Variants in PXDNL observed in about 807,000 individuals in gnomAD.
The protein encoded by PXDNL is peroxidasin like.
In PXDNL, 145 loss-of-function variants were observed where a neutral mutation model predicts 150.8. The ratio of observed to expected loss-of-function variants is 0.96; its 90% CI spans 0.84 to 1.10. The LOEUF is 1.10. Ranked by LOEUF, PXDNL falls within the 50% of genes least tolerant of loss-of-function variation. PXDNL has a pLI of 0.00. For missense variants in PXDNL, 2,087 were observed against 1,873.9 expected, an observed-to-expected ratio of 1.11 and a Z score of -2.10; for synonymous variants, 757 against 725.7, an observed-to-expected ratio of 1.04 and a Z score of -0.69.
At chr8:51,679,836 T>A (rs1030572379) in intron 1 of PXDNL, among the ~76,000 whole-genome samples, 3 of 152,160 alleles carry the variant, frequency 2.0e-5, no homozygotes, top group Non-Finnish European at 4.4e-5. Context: ...AAGCTAAGCA[T>A]CCCATCAGAA....
chr8:51,424,270 GA>G (rs142381481), intron 13 of PXDNL, among the ~76,000 whole-genome samples: 2,006 of 152,218 alleles, frequency 0.013, 45 homozygotes, highest in African/African-American at 0.045. Flanking sequence ...TCAGGAGGCT[GA>G]AGCAAAAGGG....
intron 3 of PXDNL, among the ~76,000 whole-genome samples, chr8:51,578,018 G>GA (rs199499132): frequency 3.5e-5 from 4 of 112,716 alleles, no homozygotes; most frequent in African/African-American, 1.4e-4. Flanking sequence ...AGGAAGGAAG[G>GA]AAGGAAGGAA....
intron 13 of PXDNL, among the ~76,000 whole-genome samples, chr8:51,425,354 G>T (rs2129750248): frequency 6.6e-6 from 1 of 152,276 alleles, no homozygotes; most frequent in Non-Finnish European, 1.5e-5. Context: ...ATCAGTTTGT[G>T]ATTAAAAGCT....
At chr8:51,611,791 A>G (rs10109681) in intron 2 of PXDNL, among the ~76,000 whole-genome samples, 70,786 of 151,686 alleles carry the variant, frequency 0.47, 21,097 homozygotes, top group African/African-American at 0.84. Context: ...CTGCAAAGTA[A>G]GAGGAGCAAG....
rs191135892 is a variant in PXDNL, at chr8:51,411,506, C to T, written c.1905-99G>A. On this transcript the variant is annotated intron_variant, in intron 15 of 22. Coordinates refer to ENST00000356297, the MANE Select transcript of PXDNL (RefSeq NM_144651.5). ...TTTAAAAAGGCATTTCCCAAACATT[C>T]GAGAAGAATGAAAGCTCCACCACTA... 19 of 1,126,142 alleles carry T rather than the reference C, an allele frequency of 1.7e-5. 1 individual carries two copies. The African/African-American group carries it at 1.8e-4, about 11-fold the overall frequency. 69.8% of individuals were successfully genotyped at this position (1,126,142 alleles called of 1,614,324 possible).
chr8:51,348,911 A>G (rs1017353), intron 19 of PXDNL, among the ~76,000 whole-genome samples: 118,639 of 152,082 alleles, frequency 0.78, 46,428 homozygotes, highest in East Asian at 0.94. Context: ...AACAGAAGAA[A>G]GTTAACTCCT....
intron 1 of PXDNL, among the ~76,000 whole-genome samples, chr8:51,702,751 G>A (rs1387465747): frequency 1.3e-5 from 2 of 152,134 alleles, no homozygotes; most frequent in East Asian, 3.8e-4. Context: ...CATGTTCCCA[G>A]AACTGTACTT....
Position 51,423,679 on chromosome 8 carries a change from G to A in PXDNL, c.1691C>T (p.Thr564Met), listed in dbSNP as rs199879389. 99 of 1,613,762 alleles carry A rather than the reference G, an allele frequency of 6.1e-5. No homozygotes were observed. Among genetic ancestry groups the A allele is most frequent in the African/African-American group, 3.6e-4 (27 of 75,032 alleles). Residue 564 changes from threonine (T) to methionine (M), a missense_variant, in exon 14 of 23, where the codon ACG becomes ATG. Physicochemically the swap from Thr to Met is moderately conservative, Grantham distance 81. Coordinates refer to ENST00000356297, the MANE Select transcript of PXDNL (RefSeq NM_144651.5). ...GAACCCTGCGTCGTAGATAGTCAGC[G>A]TGCCTTCATCATCCACATGGAATTT... ...SGKFHVDDEG[T>M]LTIYDAGFPD...
intron 8 of PXDNL, among the ~76,000 whole-genome samples, chr8:51,462,580 C>G (rs138250512): frequency 6.6e-6 from 1 of 151,840 alleles, no homozygotes; most frequent in Non-Finnish European, 1.5e-5. Context: ...TTGAATCAAC[C>G]CAGTCAGACA....
intron 11 of PXDNL, among the ~76,000 whole-genome samples, chr8:51,448,518 C>T (rs1809731521): frequency 6.6e-6 from 1 of 152,058 alleles, no homozygotes; most frequent in African/African-American, 2.4e-5. Flanking sequence ...TCCTGGCTAA[C>T]ACGGTGAAAC....
At chr8:51,606,591 C>G (rs565108160) in intron 2 of PXDNL, among the ~76,000 whole-genome samples, 1 of 152,092 alleles carries the variant, frequency 6.6e-6, no homozygotes, top group African/African-American at 2.4e-5. Context: ...ACTGTGCTGC[C>G]CAACTGAAAT....
intron 19 of PXDNL, among the ~76,000 whole-genome samples, chr8:51,354,186 CATTA>C (rs1806436906): frequency 6.6e-6 from 1 of 152,038 alleles, no homozygotes; most frequent in African/African-American, 2.4e-5. Flanking sequence ...AACCAAATTT[CATTA>C]ATTATCAATG....
At position 51,474,992 on chromosome 8, in the gene PXDNL, G is replaced by A; in HGVS notation, c.674C>T (p.Thr225Ile). 1 of 1,602,462 alleles carries A rather than the reference G, an allele frequency of 6.2e-7. No individual in the cohort carries two copies. Among genetic ancestry groups the A allele is most frequent in the Non-Finnish European group, 8.5e-7 (1 of 1,174,030 alleles). Residue 225 changes from threonine to isoleucine, a missense_variant, in exon 7 of 23, where the codon ACA becomes ATA. Thr to Ile is a moderately conservative substitution (Grantham distance 89, BLOSUM62 -1). Transcript: ENST00000356297. ...RLHGRAVASVTVEEFNCQSPR... is the reference protein window; with the variant it reads ...RLHGRAVASVIVEEFNCQSPR... ...CGTACGGCAATTGAATTCCTCTACTGTTACTGAAGCAACTGCACGCCCATG... is the reference window on the plus strand; with the variant it reads ...CGTACGGCAATTGAATTCCTCTACTATTACTGAAGCAACTGCACGCCCATG...
rs1399578111 is a variant in PXDNL, at chr8:51,333,261, TAC to T, written c.4146+6361_4146+6362del. ...CTAAGCAACATATATGAAGGAAAGA[TAC>T]AGTCATTTTCAGGCAAACAAATGCT... On this transcript the variant is annotated intron_variant, in intron 21 of 22. Transcript: ENST00000356297. Among the ~76,000 whole-genome samples, 14 of 149,332 alleles carry T rather than the reference TAC, an allele frequency of 9.4e-5. No homozygotes were observed. In the East Asian group the frequency reaches 2.5e-3, roughly 27 times the overall value.
chr8:51,339,577 A>G, intron 21 of PXDNL, 47 bp downstream of exon 21: 1 of 1,569,566 alleles, frequency 6.4e-7, no homozygotes, highest in Non-Finnish European at 8.7e-7. Context: ...ATGTTTAGTT[A>G]TTCCAACGCA....
intron 19 of PXDNL, among the ~76,000 whole-genome samples, chr8:51,361,760 G>A (rs1806744914): frequency 1.3e-5 from 2 of 151,858 alleles, no homozygotes; most frequent in African/African-American, 4.8e-5. Context: ...TCAGGAGTTT[G>A]AGACCAGCCT....
chr8:51,426,310 A>C (rs1809096676), intron 13 of PXDNL, among the ~76,000 whole-genome samples: 1 of 152,172 alleles, frequency 6.6e-6, no homozygotes, highest in East Asian at 1.9e-4. Flanking sequence ...CTGAGTTATT[A>C]ACTTAAAATG....
chr8:51,753,381 A>G (rs1402264997), intron 1 of PXDNL, among the ~76,000 whole-genome samples: 1 of 152,208 alleles, frequency 6.6e-6, no homozygotes, highest in Non-Finnish European at 1.5e-5. Context: ...CCTGAAGGAA[A>G]GAGTAGAGAG....
chr8:51,704,857 T>C (rs568980220), intron 1 of PXDNL, among the ~76,000 whole-genome samples: 13 of 152,312 alleles, frequency 8.5e-5, no homozygotes, highest in African/African-American at 3.1e-4. Context: ...ACTGTGTATA[T>C]TCTAGATCTT....
Sources: allele counts gnomAD v4.1 joint callset (sites outside exome capture counted in the v4.1 genomes callset), GRCh38; gene constraint gnomAD v4.1.1; transcripts MANE v1.5; gene names NCBI Gene and HGNC (gene_info 2026-07-23, HGNC 2026-07-21).